SORCS3: variants seen among roughly 807,000 people sequenced by gnomAD.
The protein encoded by SORCS3 is VPS10 domain-containing receptor SorCS3.
In SORCS3, 57 loss-of-function variants were observed where a neutral mutation model predicts 146.3. The observed-to-expected ratio is 0.39, with a 90% CI of 0.31 to 0.49. SORCS3 has a LOEUF of 0.49. SORCS3 is among the 20% of genes least tolerant of loss of function. SORCS3 has a pLI of 0.92. For synonymous variants in SORCS3, 653 were observed against 618.5 expected (o/e 1.06, Z -0.83); for missense variants, 1,341 against 1,575.5 (o/e 0.85, Z 2.52).
At chr10:105,125,586 T>C (rs969344778) in intron 7 of SORCS3, among the ~76,000 whole-genome samples, 3 of 151,960 alleles carry the variant, frequency 2.0e-5, no homozygotes, top group African/African-American at 7.3e-5. Flanking sequence ...GGAGGCAAGT[T>C]GGGTCAGGAA....
At chr10:105,013,092 T>C (rs986472596) in intron 4 of SORCS3, among the ~76,000 whole-genome samples, 1 of 152,078 alleles carries the variant, frequency 6.6e-6, no homozygotes, top group African/African-American at 2.4e-5. Flanking sequence ...ATACTAAAGG[T>C]TTAAGGAGAA....
At chr10:105,132,500 A>G (rs534345027) in intron 7 of SORCS3, among the ~76,000 whole-genome samples, 45 of 152,202 alleles carry the variant, frequency 3.0e-4, no homozygotes, top group African/African-American at 1.0e-3. Flanking sequence ...TAAATCCCCA[A>G]CGGGAGCTAG....
chr10:105,154,974 T>C (rs1430696156), intron 9 of SORCS3, among the ~76,000 whole-genome samples: 1 of 152,162 alleles, frequency 6.6e-6, no homozygotes, highest in Non-Finnish European at 1.5e-5. Context: ...CAAACACAAG[T>C]GGGAAATGTT....
chr10:105,242,797 T>G lies in SORCS3; in HGVS notation c.2869-2745T>G, dbSNP rs1244574339. Among the ~76,000 whole-genome samples the G allele has an allele frequency of 6.6e-4, 70 of 105,804 alleles. 2 individuals carry two copies. The East Asian group carries it at 0.019, about 29-fold the overall frequency. 69.4% of individuals were successfully genotyped at this position (105,804 alleles called of 152,430 possible). ...ATATATTTATATATTTATATACATT[T>G]ATATATAATTTATATATATTTTTAT... On this transcript the variant is annotated intron_variant, in intron 20 of 26. Coordinates refer to ENST00000369701, the MANE Select transcript of SORCS3 (RefSeq NM_014978.3).
intron 7 of SORCS3, among the ~76,000 whole-genome samples, chr10:105,113,053 G>C (rs2055869253): frequency 6.6e-6 from 1 of 152,168 alleles, no homozygotes; most frequent in African/African-American, 2.4e-5. Flanking sequence ...CTGGGCTTTG[G>C]GCTTCCCAGC....
At chr10:104,943,797 C>T (rs1447287821) in intron 3 of SORCS3, among the ~76,000 whole-genome samples, 1 of 152,096 alleles carries the variant, frequency 6.6e-6, no homozygotes, top group Non-Finnish European at 1.5e-5. Flanking sequence ...TATTACTAGA[C>T]ATAAGACTTA....
chr10:104,731,351 C>A (rs1287590383), intron 1 of SORCS3, among the ~76,000 whole-genome samples: 1 of 152,180 alleles, frequency 6.6e-6, no homozygotes, highest in African/African-American at 2.4e-5. Flanking sequence ...GGCAGAGATG[C>A]AAATTGATGT....
chr10:104,733,421 C>T (rs563668204), intron 1 of SORCS3, among the ~76,000 whole-genome samples: 1 of 152,184 alleles, frequency 6.6e-6, no homozygotes, highest in South Asian at 2.1e-4. Context: ...AAGATGAGAG[C>T]TCACTGCAGC....
At chr10:104,891,084 C>T (rs1052178771) in intron 2 of SORCS3, among the ~76,000 whole-genome samples, 1 of 152,118 alleles carries the variant, frequency 6.6e-6, no homozygotes, top group African/African-American at 2.4e-5. Flanking sequence ...TGTTTGGAAA[C>T]AGTTGAATTC....
At chr10:105,087,932 A>ATT in intron 5 of SORCS3, among the ~76,000 whole-genome samples, 1 of 152,328 alleles carries the variant, frequency 6.6e-6, no homozygotes, top group African/African-American at 2.4e-5. Context: ...GCATCTGTAT[A>ATT]TTTCAGAGTT....
Position 105,071,031 on chromosome 10 carries a change from G to A in SORCS3, c.1029-18744G>A, listed in dbSNP as rs933241196. Among the ~76,000 whole-genome samples the A allele has an allele frequency of 2.4e-4, 37 of 152,194 alleles. 1 individual carries two copies. The highest frequency in any genetic ancestry group is 2.6e-4 in the Admixed American group (4 of 15,282). On this transcript the variant is annotated intron_variant, in intron 5 of 26. Transcript: ENST00000369701. ...GAGAGGTATTGTCCAGTCCAGTTGG[G>A]ATGAGCTATTCCCCTTCTGGGCTGT...
intron 3 of SORCS3, among the ~76,000 whole-genome samples, chr10:104,933,474 T>C (rs547609754): frequency 6.6e-6 from 1 of 152,132 alleles, no homozygotes; most frequent in African/African-American, 2.4e-5. Flanking sequence ...GTGTGCATCA[T>C]GTCAGGACAG....
At chr10:105,157,536 A>G (rs111656061) in intron 10 of SORCS3, among the ~76,000 whole-genome samples, 1 of 152,346 alleles carries the variant, frequency 6.6e-6, no homozygotes, top group African/African-American at 2.4e-5. Context: ...AAATAAACAT[A>G]TAAGAGAAGG....
At chr10:104,936,125 T>C (rs1272592371) in intron 3 of SORCS3, among the ~76,000 whole-genome samples, 1 of 152,198 alleles carries the variant, frequency 6.6e-6, no homozygotes. Context: ...TCATGACAGT[T>C]TTACCAGTAA....
chr10:104,791,161 A>G (rs1000023267), intron 1 of SORCS3, among the ~76,000 whole-genome samples: 6 of 152,290 alleles, frequency 3.9e-5, no homozygotes, highest in African/African-American at 1.4e-4. Context: ...AAGCAAGGCC[A>G]GTGGGGGTGT....
In SORCS3 at chr10:105,157,105, G is replaced by T. The variant is rs747435786; in HGVS notation, c.1483-33G>T. On this transcript the variant is annotated intron_variant, in intron 9 of 26. Coordinates refer to ENST00000369701, the MANE Select transcript of SORCS3 (RefSeq NM_014978.3). ...CCAAGACCAAAGGCATGTTGGCCCA[G>T]CATGGTTCTCCATCTCTCACCTTTT... The T allele has an allele frequency of 6.8e-6, 11 of 1,611,306 alleles. No homozygotes were observed. The African/African-American group carries it at 1.5e-4, about 22-fold the overall frequency.
At chr10:105,140,048 C>G (rs1333751625) in intron 8 of SORCS3, among the ~76,000 whole-genome samples, 2 of 152,172 alleles carry the variant, frequency 1.3e-5, no homozygotes, top group African/African-American at 4.8e-5. Flanking sequence ...ACTTTGGGGA[C>G]CCCATTCCTT....
chr10:104,782,237 G>A (rs563309506), intron 1 of SORCS3, among the ~76,000 whole-genome samples: 1 of 152,310 alleles, frequency 6.6e-6, no homozygotes, highest in Non-Finnish European at 1.5e-5. Context: ...CCTGAGCCTG[G>A]AGTTGTTGAC....
chr10:104,682,421 T>A (rs536673166), intron 1 of SORCS3, among the ~76,000 whole-genome samples: 2 of 152,382 alleles, frequency 1.3e-5, no homozygotes, highest in South Asian at 2.1e-4. Flanking sequence ...AAAAAGGGGT[T>A]AATGATGTAA....
Sources: gnomAD v4.1 joint callset for allele counts (sites outside exome capture counted in the v4.1 genomes callset) on GRCh38, gnomAD v4.1.1 for gene constraint, MANE v1.5 for transcripts, NCBI Gene and HGNC (gene_info 2026-07-23, HGNC 2026-07-21) for gene names.